Variants in FOXN3 observed in about 807,000 individuals in gnomAD.
FOXN3 encodes the protein forkhead box protein N3.
In FOXN3, 7 loss-of-function variants were observed where a neutral mutation model predicts 38.4. The observed-to-expected ratio is 0.18, with a 90% CI of 0.10 to 0.34. The LOEUF is 0.34. Ranked by LOEUF, FOXN3 falls within the 10% of genes least tolerant of loss-of-function variation. The pLI, the probability that FOXN3 is intolerant of heterozygous loss-of-function variation, is 1.00. For synonymous variants in FOXN3, 230 were observed against 242.2 expected (o/e 0.95, Z 0.47); for missense variants, 456 against 613.4 (o/e 0.74, Z 2.71).
intron 1 of FOXN3, among the ~76,000 whole-genome samples, chr14:89,578,456 T>C (rs1333370878): frequency 6.6e-6 from 1 of 152,142 alleles, no homozygotes; most frequent in Non-Finnish European, 1.5e-5. Flanking sequence ...TCAAATTCCA[T>C]GACTCTCCCC....
At position 89,350,725 on chromosome 14, in the gene FOXN3, G is replaced by A. The variant is rs779857123; in HGVS notation, c.627C>T (p.His209=). Residue 209 remains histidine (H), a synonymous_variant, in exon 3 of 6, where the codon CAC becomes CAT. Coordinates refer to ENST00000557258, the MANE Select transcript of FOXN3 (RefSeq NM_005197.4). ...LIQALKKTPY[H]PHPHVFNTPP... ...GTGTATTGAACACGTGTGGGTGTGG[G>A]TGATAAGGTGTCTTTTTCAAAGCCT... The A allele has an allele frequency of 3.1e-6, 5 of 1,603,774 alleles. No homozygotes were observed. Among genetic ancestry groups the A allele is most frequent in the Non-Finnish European group, 2.6e-6 (3 of 1,176,196 alleles).
chr14:89,467,800 C>CTTTCTTTTTTTTTTT (rs1383456566), intron 1 of FOXN3, among the ~76,000 whole-genome samples: 1 of 57,896 alleles, frequency 1.7e-5, no homozygotes, highest in African/African-American at 5.3e-5. Flanking sequence ...TCTTTTCTTT[C>CTTTCTTTTTTTTTTT]TTTGTTTTTT....
At position 89,159,068 on chromosome 14, in the gene FOXN3, G is replaced by A. The variant is rs1346720037; in HGVS notation, c.*3346C>T. 1 of 152,654 alleles carries A rather than the reference G, an allele frequency of 6.6e-6. No individual in the cohort carries two copies. Among genetic ancestry groups the A allele is most frequent in the East Asian group, 1.9e-4 (1 of 5,204 alleles). The allele number at this position is 152,654 out of a possible 1,614,324, so 9.5% of individuals were successfully genotyped here. On this transcript the variant is annotated 3_prime_UTR_variant, in exon 6 of 6. Coordinates refer to ENST00000557258, the MANE Select transcript of FOXN3 (RefSeq NM_005197.4). ...AAGGAATTCCAAGACTAAAGTGAAT[G>A]ACACTTAAGCAAAATATTCTTTCAC...
chr14:89,339,971 G>T (rs968350821), intron 3 of FOXN3, among the ~76,000 whole-genome samples: 2 of 152,108 alleles, frequency 1.3e-5, no homozygotes, highest in African/African-American at 4.8e-5. Context: ...GGGGTGGGGG[G>T]CAATTTCCAG....
chr14:89,383,029 G>GTTTTTTTT (rs57032907), intron 2 of FOXN3, among the ~76,000 whole-genome samples: 21 of 92,540 alleles, frequency 2.3e-4, no homozygotes, highest in African/African-American at 8.2e-4. Context: ...TTTGGGTGGT[G>GTTTTTTTT]TTTTTTTTTT....
At chr14:89,611,465 G>T (rs567480148) in intron 1 of FOXN3, among the ~76,000 whole-genome samples, 1 of 152,196 alleles carries the variant, frequency 6.6e-6, no homozygotes, top group Non-Finnish European at 1.5e-5. Flanking sequence ...GTAGGTAAAC[G>T]TGCTCAGGGA....
At chr14:89,322,072 C>G (rs1887912938) in intron 3 of FOXN3, among the ~76,000 whole-genome samples, 1 of 152,220 alleles carries the variant, frequency 6.6e-6, no homozygotes. Context: ...TCCGTGGGTG[C>G]CAGGGCCACA....
chr14:89,180,953 TACACACACAC>T, intron 4 of FOXN3, 147 bp from the exon 5 acceptor site: 2 of 480,716 alleles, frequency 4.2e-6, no homozygotes, highest in South Asian at 6.1e-5. Flanking sequence ...CACGTGCACA[TACACACACAC>T]ACACACAGTC....
At chr14:89,238,012 T>TA (rs1183765846) in intron 4 of FOXN3, among the ~76,000 whole-genome samples, 1 of 152,256 alleles carries the variant, frequency 6.6e-6, no homozygotes, top group Non-Finnish European at 1.5e-5. Context: ...TCCAGCCTTT[T>TA]AAGTCAGTGT....
chr14:89,228,955 C>T (rs566765473), intron 4 of FOXN3, among the ~76,000 whole-genome samples: 2 of 152,278 alleles, frequency 1.3e-5, no homozygotes, highest in South Asian at 2.1e-4. Context: ...CTTCCCCTCC[C>T]GCCTCTTTCC....
chr14:89,517,130 G>T (rs992275469), intron 1 of FOXN3, among the ~76,000 whole-genome samples: 1 of 152,120 alleles, frequency 6.6e-6, no homozygotes, highest in South Asian at 2.1e-4. Flanking sequence ...TCCACCTGAG[G>T]GCCAGGTTCT....
intron 1 of FOXN3, among the ~76,000 whole-genome samples, chr14:89,426,577 A>T (rs1892034765): frequency 6.6e-6 from 1 of 152,092 alleles, no homozygotes; most frequent in South Asian, 2.1e-4. Context: ...TGAATTCGCA[A>T]ATACAAAAAC....
At chr14:89,369,253 C>T (rs1301714711) in intron 2 of FOXN3, among the ~76,000 whole-genome samples, 2 of 152,186 alleles carry the variant, frequency 1.3e-5, no homozygotes, top group African/African-American at 2.4e-5. Flanking sequence ...CATTATACTG[C>T]TGAGTCACCT....
chr14:89,291,474 C>A, intron 3 of FOXN3: 1 of 604,732 alleles, frequency 1.7e-6, no homozygotes. Flanking sequence ...GGTGCCACAC[C>A]TCCACAGACA....
upstream of FOXN3, among the ~76,000 whole-genome samples, chr14:89,422,209 G>A (rs1270457689): frequency 5.3e-5 from 8 of 152,200 alleles, no homozygotes; most frequent in Non-Finnish European, 1.0e-4. Context: ...TTGAGGGGGC[G>A]TCCACTGGAG....
chr14:89,458,211 T>C (rs559475541), intron 1 of FOXN3, among the ~76,000 whole-genome samples: 1 of 152,200 alleles, frequency 6.6e-6, no homozygotes, highest in East Asian at 1.9e-4. Flanking sequence ...CTCTAAGGCT[T>C]TTTCCCCCAT....
chr14:89,471,932 A>G (rs990138221), intron 1 of FOXN3, among the ~76,000 whole-genome samples: 1 of 152,204 alleles, frequency 6.6e-6, no homozygotes, highest in African/African-American at 2.4e-5. Flanking sequence ...GTCCTCATCA[A>G]TCTTCAACAG....
intron 3 of FOXN3, among the ~76,000 whole-genome samples, chr14:89,347,468 C>T (rs1888795147): frequency 1.3e-5 from 2 of 152,218 alleles, no homozygotes; most frequent in Admixed American, 6.5e-5. Context: ...GGAACCAACC[C>T]TGCCGACACA....
chr14:89,342,411 C>T (rs1403910358), intron 3 of FOXN3, among the ~76,000 whole-genome samples: 6 of 151,996 alleles, frequency 3.9e-5, no homozygotes, highest in Non-Finnish European at 5.9e-5. Context: ...AACAGCATAC[C>T]GAAGGCAAAA....
Sources: gnomAD v4.1 joint callset for allele counts (sites outside exome capture counted in the v4.1 genomes callset) on GRCh38, gnomAD v4.1.1 for gene constraint, MANE v1.5 for transcripts, NCBI Gene and HGNC (gene_info 2026-07-23, HGNC 2026-07-21) for gene names.